Variants in FRMD4A observed in about 807,000 individuals in gnomAD.
The protein encoded by FRMD4A is FERM domain containing 4A, also known as FERM domain-containing protein 4A.
In FRMD4A, 29 loss-of-function variants were observed where a neutral mutation model predicts 129.1. The observed-to-expected ratio is 0.22, with a 90% CI of 0.17 to 0.31. The LOEUF (loss-of-function observed/expected upper bound fraction) is 0.31. Among genes scored for constraint, FRMD4A ranks in the 10% least tolerant of loss-of-function variants. The pLI is 1.00. For synonymous variants in FRMD4A, 634 were observed against 571.6 expected (o/e 1.11, Z -1.56); for missense variants, 1,272 against 1,375.8 (o/e 0.92, Z 1.19).
chr10:13,751,760 C>T (rs1237927018), intron 8 of FRMD4A, among the ~76,000 whole-genome samples: 1 of 152,166 alleles, frequency 6.6e-6, no homozygotes, highest in African/African-American at 2.4e-5. Flanking sequence ...CTTATAATCC[C>T]AGCACTTTGG....
intron 2 of FRMD4A, among the ~76,000 whole-genome samples, chr10:14,055,515 T>A (rs934559727): frequency 1.3e-5 from 2 of 148,946 alleles, no homozygotes; most frequent in Non-Finnish European, 3.0e-5. Context: ...CCTAAGACAG[T>A]GAATTGCACA....
chr10:13,796,054 C>T (rs944702829), intron 5 of FRMD4A, among the ~76,000 whole-genome samples: 5 of 152,222 alleles, frequency 3.3e-5, no homozygotes, highest in Non-Finnish European at 7.4e-5. Context: ...TGCTGGGTTT[C>T]GACCACTCCT....
At chr10:13,708,356 G>A (rs2087683475) in intron 12 of FRMD4A, among the ~76,000 whole-genome samples, 2 of 152,150 alleles carry the variant, frequency 1.3e-5, no homozygotes, top group Admixed American at 1.3e-4. Context: ...GTTGGCTAGT[G>A]GACCTAGCAC....
chr10:14,158,903 C>T (rs1320618875), intron 2 of FRMD4A, among the ~76,000 whole-genome samples: 2 of 151,506 alleles, frequency 1.3e-5, no homozygotes, highest in Admixed American at 6.6e-5. Flanking sequence ...AAATACCCAC[C>T]ATGTGGATGA....
intron 2 of FRMD4A, among the ~76,000 whole-genome samples, chr10:14,269,922 C>T (rs1201920266): frequency 3.3e-5 from 5 of 152,116 alleles, no homozygotes; most frequent in African/African-American, 1.2e-4. Flanking sequence ...TTTGAGCTGC[C>T]CCAGGGGTGG....
chr10:13,835,144 G>A (rs527957610), intron 3 of FRMD4A, among the ~76,000 whole-genome samples: 2 of 152,178 alleles, frequency 1.3e-5, no homozygotes, highest in Non-Finnish European at 2.9e-5. Flanking sequence ...TAAGAGGAGG[G>A]CTTTGATGGC....
chr10:14,140,080 G>C (rs1839756831), intron 2 of FRMD4A, among the ~76,000 whole-genome samples: 1 of 151,962 alleles, frequency 6.6e-6, no homozygotes, highest in African/African-American at 2.4e-5. Flanking sequence ...ATTTTATTTT[G>C]AGATGGAATC....
At chr10:13,730,432 T>C (rs980088654) in intron 12 of FRMD4A, among the ~76,000 whole-genome samples, 7 of 152,192 alleles carry the variant, frequency 4.6e-5, no homozygotes, top group Non-Finnish European at 8.8e-5. Context: ...GTCTGAGGCA[T>C]GTTGCTATCG....
chr10:14,197,152 T>A (rs1842494555), intron 2 of FRMD4A, among the ~76,000 whole-genome samples: 1 of 152,154 alleles, frequency 6.6e-6, no homozygotes, highest in Non-Finnish European at 1.5e-5. Context: ...AGAAACTCCC[T>A]GGTCTGGTAC....
chr10:14,298,096 G>C (rs966599667), intron 2 of FRMD4A, among the ~76,000 whole-genome samples: 1 of 152,152 alleles, frequency 6.6e-6, no homozygotes, highest in Non-Finnish European at 1.5e-5. Context: ...ATCTAAGTTT[G>C]CTTTCACACT....
Position 13,814,874 on chromosome 10 carries a change from G to A in FRMD4A, c.112-3966C>T, listed in dbSNP as rs1193347300. Among the ~76,000 whole-genome samples, 7 of 152,168 alleles carry A rather than the reference G, an allele frequency of 4.6e-5. No homozygotes were observed. The East Asian group carries it at 1.4e-3, about 29-fold the overall frequency. The stretch of plus-strand genomic sequence containing the variant: ...GGGGGTAAGTGGAGGCAGGGTGGGA[G>A]GTGCAGTTGGGGAAGGGAGATGAAC... On this transcript the variant is annotated intron_variant, in intron 3 of 24. Transcript: ENST00000357447.
intron 2 of FRMD4A, among the ~76,000 whole-genome samples, chr10:14,235,498 T>C (rs1037946393): frequency 1.4e-4 from 22 of 152,084 alleles, no homozygotes; most frequent in Admixed American, 1.4e-3. Context: ...TAGGAAGCGC[T>C]CTGTTTTATG....
At chr10:14,129,205 G>A (rs1360851409) in intron 2 of FRMD4A, among the ~76,000 whole-genome samples, 3 of 151,416 alleles carry the variant, frequency 2.0e-5, no homozygotes, top group Admixed American at 1.3e-4. Flanking sequence ...CACTGTGAAC[G>A]ATAGTGAAGT....
intron 2 of FRMD4A, among the ~76,000 whole-genome samples, chr10:13,945,999 C>T (rs4553269): frequency 0.15 from 23,104 of 152,164 alleles, 1,865 homozygotes; most frequent in Admixed American, 0.2. Context: ...TGCCTTCTTG[C>T]GTCTCAGAGC....
intron 2 of FRMD4A, among the ~76,000 whole-genome samples, chr10:13,935,446 CAAAAAAAAA>C (rs71388135): frequency 1.1e-4 from 4 of 36,404 alleles, no homozygotes; most frequent in African/African-American, 4.7e-4. Flanking sequence ...AACTCCATCT[CAAAAAAAAA>C]AAAAAAAAAA....
At chr10:13,766,714 A>G (rs1421414162) in intron 6 of FRMD4A, among the ~76,000 whole-genome samples, 1 of 152,094 alleles carries the variant, frequency 6.6e-6, no homozygotes, top group Non-Finnish European at 1.5e-5. Flanking sequence ...TATCCTTAAG[A>G]TTCTACCACG....
At position 14,185,776 on chromosome 10, in the gene FRMD4A, A is replaced by G. The variant is rs117809436; in HGVS notation, c.45+144282T>C. ...AGGCTAGTACCAGCCAAAGCAACAG[A>G]TACGTACAATCCAGACTAGTCCTGG... On this transcript the variant is annotated intron_variant, in intron 2 of 24. Transcript: ENST00000357447. Among the ~76,000 whole-genome samples the G allele has an allele frequency of 3.2e-3, 485 of 151,172 alleles. 4 individuals carry two copies. The highest frequency in any genetic ancestry group is 9.1e-3 in the South Asian group (44 of 4,824).
rs75597733 is a variant in FRMD4A, at chr10:14,291,866, G to A, written c.45+38192C>T. Among the ~76,000 whole-genome samples, 1,474 of 151,770 alleles carry A rather than the reference G, an allele frequency of 9.7e-3. 22 individuals carry two copies. The highest frequency in any genetic ancestry group is 0.031 in the African/African-American group (1,298 of 41,472). On this transcript the variant is annotated intron_variant, in intron 2 of 24. Transcript: ENST00000357447. ...TAATATAAAACTCAAAAGAATTAGC[G>A]AATAAATTATTAATAGGTGAGCTTA...
intron 2 of FRMD4A, among the ~76,000 whole-genome samples, chr10:14,169,769 A>C (rs558952461): frequency 6.6e-6 from 1 of 152,202 alleles, no homozygotes; most frequent in Non-Finnish European, 1.5e-5. Flanking sequence ...CTTCAGCTCC[A>C]ACAAATCTCC....
Sources: allele counts gnomAD v4.1 joint callset (sites outside exome capture counted in the v4.1 genomes callset), GRCh38; gene constraint gnomAD v4.1.1; transcripts MANE v1.5; gene names NCBI Gene and HGNC (gene_info 2026-07-23, HGNC 2026-07-21).